AEBP2: variants seen among roughly 807,000 people sequenced by gnomAD.
AEBP2 encodes the protein AE binding protein 2, also known as zinc finger protein AEBP2.
A neutral mutation model predicts 50.8 loss-of-function variants in AEBP2; 10 were observed. That is an observed-to-expected ratio of 0.20 (90% CI 0.12 to 0.33). The LOEUF is 0.33. Ranked by LOEUF, AEBP2 falls within the 10% of genes least tolerant of loss-of-function variation. AEBP2 has a pLI of 1.00. For missense variants in AEBP2, 570 were observed against 688.0 expected (o/e 0.83, Z 1.92); for synonymous variants, 296 against 261.3 (o/e 1.13, Z -1.28).
At chr12:19,424,353 T>A (rs1203256550) in intron 1 of AEBP2, among the ~76,000 whole-genome samples, 1 of 151,692 alleles carries the variant, frequency 6.6e-6, no homozygotes, top group African/African-American at 2.4e-5. Context: ...GATGATGGGA[T>A]CAAGATGCAA....
chr12:19,456,525 C>T, intron 1 of AEBP2: 1 of 1,523,802 alleles, frequency 6.6e-7, no homozygotes, highest in Non-Finnish European at 9.1e-7. Flanking sequence ...AGCAAACTTG[C>T]ATGCAGTGTG....
At chr12:19,407,166 T>C (rs1393445172) in intron 1 of AEBP2, among the ~76,000 whole-genome samples, 3 of 152,052 alleles carry the variant, frequency 2.0e-5, no homozygotes, top group African/African-American at 7.2e-5. Context: ...CCTGGCATGG[T>C]GCACACCTGT....
rs772545305 is a variant in AEBP2, at chr12:19,519,477, T to C, written c.*1360T>C. ...CAGAAAGTCTTTGAGGGAGGACCTA[T>C]ACCCATAATAGAATTATGGCACTCA... On this transcript the variant is annotated 3_prime_UTR_variant, in exon 8 of 8. Transcript: ENST00000266508. The C allele has an allele frequency of 6.6e-6, 1 of 152,552 alleles. No homozygotes were observed. Among genetic ancestry groups the C allele is most frequent in the Non-Finnish European group, 1.5e-5 (1 of 67,958 alleles). The allele number at this position is 152,552 out of a possible 1,614,324, so 9.4% of individuals were successfully genotyped here. A position where few individuals can be genotyped will look rare whatever the true frequency, so the allele number is the denominator to read the frequency against.
chr12:19,440,394 C>T lies in AEBP2; in HGVS notation c.671+24C>T, dbSNP rs565770036. 303 of 1,465,802 alleles carry T rather than the reference C, an allele frequency of 2.1e-4. 1 individual carries two copies. In the African/African-American group the frequency reaches 4.0e-3, roughly 19 times the overall value. The allele number at this position is 1,465,802 out of a possible 1,614,324, so 90.8% of individuals were successfully genotyped here. On this transcript the variant is annotated intron_variant, in intron 1 of 7. Transcript: ENST00000266508. The stretch of plus-strand genomic sequence containing the variant: ...AGGTCAGTGCTCTGAAGCGTTTCCC[C>T]TTCCCTTCCTCCTCTTGAACTCCCG...
At chr12:19,454,327 T>G (rs1948226109) in intron 1 of AEBP2, among the ~76,000 whole-genome samples, 1 of 152,198 alleles carries the variant, frequency 6.6e-6, no homozygotes, top group Admixed American at 6.5e-5. Context: ...ACTGAACTCT[T>G]AATACTGTTT....
At chr12:19,443,390 G>T (rs555933126) in intron 1 of AEBP2, among the ~76,000 whole-genome samples, 2 of 150,166 alleles carry the variant, frequency 1.3e-5, no homozygotes, top group Non-Finnish European at 1.5e-5. Context: ...AGCCGCCACC[G>T]CAGGCCATGT....
chr12:19,504,798 T>C (rs776901278), intron 5 of AEBP2, among the ~76,000 whole-genome samples: 6 of 152,144 alleles, frequency 3.9e-5, no homozygotes, highest in Non-Finnish European at 7.3e-5. Flanking sequence ...AAAGGCAAGA[T>C]AGAAAATGGA....
chr12:19,420,919 G>T (rs2095745351), intron 1 of AEBP2, among the ~76,000 whole-genome samples: 1 of 152,026 alleles, frequency 6.6e-6, no homozygotes. Context: ...AGTAAATTTT[G>T]GCGTAAGTCC....
At chr12:19,477,993 T>C (rs1312786979) in intron 3 of AEBP2, among the ~76,000 whole-genome samples, 2 of 152,232 alleles carry the variant, frequency 1.3e-5, no homozygotes, top group African/African-American at 4.8e-5. Flanking sequence ...ATAGTAGCCT[T>C]GAATGATCTT....
intron 6 of AEBP2, 61 bp from the exon 7 acceptor site, chr12:19,514,610 C>A: frequency 7.8e-7 from 1 of 1,285,312 alleles, no homozygotes; most frequent in South Asian, 1.3e-5. Flanking sequence ...TGTGAAGGCA[C>A]ATGGAAGTGT....
At chr12:19,506,357 C>T (rs1044497266) in intron 5 of AEBP2, among the ~76,000 whole-genome samples, 3 of 151,972 alleles carry the variant, frequency 2.0e-5, no homozygotes, top group Non-Finnish European at 2.9e-5. Flanking sequence ...ACCTTGGCCT[C>T]CCAAAGTGCT....
chr12:19,450,093 G>A (rs1228829222), intron 1 of AEBP2, among the ~76,000 whole-genome samples: 1 of 151,996 alleles, frequency 6.6e-6, no homozygotes, highest in Non-Finnish European at 1.5e-5. Context: ...CAGCACCACC[G>A]CAGTTTTGAA....
At chr12:19,467,570 A>G (rs1041311834) in intron 2 of AEBP2, among the ~76,000 whole-genome samples, 3 of 152,204 alleles carry the variant, frequency 2.0e-5, no homozygotes, top group African/African-American at 7.2e-5. Context: ...CTGGGATTAC[A>G]GGCCTGAGCC....
intron 4 of AEBP2, among the ~76,000 whole-genome samples, chr12:19,498,848 G>T (rs765752298): frequency 8.6e-5 from 13 of 151,726 alleles, no homozygotes; most frequent in Non-Finnish European, 1.2e-4. Flanking sequence ...TTTGTGAAAC[G>T]TTTTATCCTT....
intron 6 of AEBP2, among the ~76,000 whole-genome samples, chr12:19,513,230 A>G (rs1949262915): frequency 6.6e-6 from 1 of 152,196 alleles, no homozygotes; most frequent in Non-Finnish European, 1.5e-5. Context: ...ATGGTATTTT[A>G]TAGAAAAAGC....
chr12:19,465,246 T>G (rs1242875072), intron 2 of AEBP2, among the ~76,000 whole-genome samples: 1 of 151,652 alleles, frequency 6.6e-6, no homozygotes, highest in Non-Finnish European at 1.5e-5. Flanking sequence ...ATACAAAAAT[T>G]AGCTGGGTAT....
chr12:19,520,791 C>T lies in AEBP2; in HGVS notation c.*2674C>T, dbSNP rs1949386013. The T allele has an allele frequency of 6.6e-6, 1 of 152,092 alleles. No individual in the cohort carries two copies. The allele number at this position is 152,092 out of a possible 1,614,324, so 9.4% of individuals were successfully genotyped here. The stretch of plus-strand genomic sequence containing the variant: ...CAATTTTTACTACAGGTTGGCAATC[C>T]CTAATCCAAAAATCTGACATAAAAA... On this transcript the variant is annotated 3_prime_UTR_variant, in exon 8 of 8. Coordinates refer to ENST00000266508, the MANE Select transcript of AEBP2 (RefSeq NM_153207.5).
At chr12:19,491,942 A>C (rs1948899083) in intron 3 of AEBP2, among the ~76,000 whole-genome samples, 2 of 152,186 alleles carry the variant, frequency 1.3e-5, no homozygotes, top group Non-Finnish European at 2.9e-5. Flanking sequence ...AGACTTTATG[A>C]GGAAAGTTAT....
intron 1 of AEBP2, among the ~76,000 whole-genome samples, chr12:19,461,277 AATTT>A (rs571522298): frequency 9.2e-5 from 14 of 152,168 alleles, no homozygotes; most frequent in Admixed American, 3.3e-4. Context: ...ACTTTCATGT[AATTT>A]ATTTATTGAG....
Sources: allele counts gnomAD v4.1 joint callset (sites outside exome capture counted in the v4.1 genomes callset), GRCh38; gene constraint gnomAD v4.1.1; transcripts MANE v1.5; gene names NCBI Gene and HGNC (gene_info 2026-07-23, HGNC 2026-07-21).